ENTPD6: variants seen among roughly 807,000 people sequenced by gnomAD.
The protein encoded by ENTPD6 is ectonucleoside triphosphate diphosphohydrolase 6.
In ENTPD6, 46 loss-of-function variants were observed where a neutral mutation model predicts 61.5. That is an observed-to-expected ratio of 0.75 (90% confidence interval 0.59 to 0.96). The LOEUF (loss-of-function observed/expected upper bound fraction) is 0.96. Ranked by LOEUF, ENTPD6 falls within the 40% of genes least tolerant of loss-of-function variation. ENTPD6 has a pLI of 0.00. For missense variants in ENTPD6, 612 were observed against 629.0 expected (o/e 0.97, Z 0.29); for synonymous variants, 252 against 255.5 (o/e 0.99, Z 0.13).
intron 8 of ENTPD6, among the ~76,000 whole-genome samples, chr20:25,217,008 T>G (rs1426465454): frequency 6.6e-6 from 1 of 152,184 alleles, no homozygotes; most frequent in East Asian, 1.9e-4. Flanking sequence ...TGGAAACGTT[T>G]GGGCCAGAGG....
chr20:25,198,888 G>A (rs562121917), intron 1 of ENTPD6, among the ~76,000 whole-genome samples: 1 of 152,284 alleles, frequency 6.6e-6, no homozygotes, highest in Non-Finnish European at 1.5e-5. Context: ...ATGTCCCGCT[G>A]GCATATCAAA....
In ENTPD6 at chr20:25,215,762, GGGCTCGACTGGGCCT is replaced by G. The variant is rs537039194; in HGVS notation, c.709+52_709+66del. 292 of 1,562,266 alleles carry G rather than the reference GGGCTCGACTGGGCCT, an allele frequency of 1.9e-4. 2 individuals carry two copies. In the African/African-American group the frequency reaches 3.2e-3, roughly 17 times the overall value. The stretch of plus-strand genomic sequence containing the variant: ...CTAGCCGATCACAGACACCTGCGGA[GGGCTCGACTGGGCCT>G]TTCGAGAGCAGGAGCCTCATTTCTG... On this transcript the variant is annotated intron_variant, in intron 7 of 14. Transcript: ENST00000376652.
Position 25,215,673 on chromosome 20 carries a change from C to T in ENTPD6, c.674-3C>T. The T allele has an allele frequency of 6.2e-7, 1 of 1,614,142 alleles. No homozygotes were observed. Among genetic ancestry groups the T allele is most frequent in the East Asian group, 2.2e-5 (1 of 44,884 alleles). On this transcript the variant is annotated splice_polypyrimidine_tract_variant and splice_region_variant and intron_variant, in intron 6 of 14. Coordinates refer to ENST00000376652, the MANE Select transcript of ENTPD6 (RefSeq NM_001247.5). ...AAATAATGCCTGTGACACTCTCTTG[C>T]AGGCGTTTCGGCGTGGATCACCATC...
intron 4 of ENTPD6, among the ~76,000 whole-genome samples, chr20:25,211,191 T>G (rs1342154740): frequency 6.6e-6 from 1 of 152,246 alleles, no homozygotes; most frequent in Admixed American, 6.5e-5. Flanking sequence ...ACATTGCTCT[T>G]GTCCACAAAC....
chr20:25,206,260 C>T (rs1285952192), intron 1 of ENTPD6, among the ~76,000 whole-genome samples: 4 of 152,200 alleles, frequency 2.6e-5, no homozygotes, highest in African/African-American at 9.7e-5. Context: ...TCACCAGGAC[C>T]GACTGAGAGA....
At position 25,224,156 on chromosome 20, in the gene ENTPD6, C is replaced by T. The variant is rs777107194; in HGVS notation, c.1242C>T (p.Tyr414=). The T allele has an allele frequency of 6.5e-5, 104 of 1,611,448 alleles. No homozygotes were observed. The highest frequency in any genetic ancestry group is 2.2e-4 in the Admixed American group (13 of 59,772). The change falls in exon 13 of 15, where the codon TAC becomes TAT. Residue 414 remains tyrosine (Y), a splice_region_variant and synonymous_variant. Coordinates refer to ENST00000376652, the MANE Select transcript of ENTPD6 (RefSeq NM_001247.5). ...VVGDFEIAAK[Y]VCRTLETQPQ... ...GGGACTTCGAGATCGCAGCCAAGTA[C>T]GGTGAGTGATGCTGCAGGGGCCATC...
At chr20:25,221,488 C>G (rs773483252) in intron 11 of ENTPD6, 155 bp downstream of exon 11, 1 of 707,356 alleles carries the variant, frequency 1.4e-6, no homozygotes, top group East Asian at 2.7e-5. Flanking sequence ...GGTGGTTTGG[C>G]TGCAGGGGCC....
chr20:25,215,030 C>A (rs533606586), intron 6 of ENTPD6, 88 bp downstream of exon 6: 2 of 857,020 alleles, frequency 2.3e-6, no homozygotes, highest in Non-Finnish European at 2.0e-6. Context: ...TCCGCCACCC[C>A]TCCCCGCCCC....
At chr20:25,219,910 C>G (rs1360118484) in intron 10 of ENTPD6, among the ~76,000 whole-genome samples, 1 of 152,186 alleles carries the variant, frequency 6.6e-6, no homozygotes, top group Non-Finnish European at 1.5e-5. Flanking sequence ...AAACAAAAAC[C>G]ATGTCTATGT....
intron 6 of ENTPD6, 120 bp downstream of exon 6, chr20:25,215,062 T>A (rs1297787096): frequency 1.2e-5 from 8 of 664,582 alleles, no homozygotes; most frequent in Non-Finnish European, 1.9e-5. Flanking sequence ...TCCTCCCCCG[T>A]CCGATGCTCA....
chr20:25,205,178 T>C (rs1323532530), intron 1 of ENTPD6, among the ~76,000 whole-genome samples: 1 of 152,132 alleles, frequency 6.6e-6, no homozygotes, highest in African/African-American at 2.4e-5. Flanking sequence ...TGGGGGCTCA[T>C]GGCCTAGTGG....
intron 6 of ENTPD6, among the ~76,000 whole-genome samples, chr20:25,215,356 G>A (rs1032645641): frequency 6.6e-6 from 1 of 152,202 alleles, no homozygotes; most frequent in Non-Finnish European, 1.5e-5. Flanking sequence ...GAGAGTGAGT[G>A]TGTATGGAGG....
chr20:25,196,040 T>C, intron 1 of ENTPD6, 173 bp downstream of exon 1: 1 of 850,146 alleles, frequency 1.2e-6, no homozygotes, highest in Non-Finnish European at 1.6e-6. Context: ...CCTGGATGTC[T>C]GGGCTCCGCT....
chr20:25,225,360 G>T, intron 14 of ENTPD6, 43 bp downstream of exon 14: 2 of 1,607,118 alleles, frequency 1.2e-6, no homozygotes, highest in Non-Finnish European at 1.7e-6. Flanking sequence ...TTTATGGAGT[G>T]AGGGGCCTAG....
intron 5 of ENTPD6, among the ~76,000 whole-genome samples, chr20:25,214,248 A>G (rs908043450): frequency 6.6e-6 from 1 of 152,202 alleles, no homozygotes; most frequent in Non-Finnish European, 1.5e-5. Flanking sequence ...CACGCCTGTC[A>G]GGGTCCCTCA....
intron 4 of ENTPD6, among the ~76,000 whole-genome samples, chr20:25,212,808 C>CCATTCT (rs2092063574): frequency 6.6e-6 from 1 of 152,160 alleles, no homozygotes; most frequent in Non-Finnish European, 1.5e-5. Flanking sequence ...TGGGTTCATG[C>CCATTCT]CATTCTCCTG....
Position 25,221,427 on chromosome 20 carries a change from G to A in ENTPD6, c.1045+94G>A, listed in dbSNP as rs748219891. 1.2e-5 allele frequency: 11 copies of A among 941,608 alleles called. 1 individual carries two copies. The East Asian group carries it at 1.5e-4, about 13-fold the overall frequency. The allele number at this position is 941,608 out of a possible 1,614,324, so 58.3% of individuals were successfully genotyped here. ...TCCCACATCCCATGGGACGTTCCAC[G>A]GGAGGCTCCTGACCTCTCTTTGAAG... is the stretch of plus-strand genomic sequence containing the variant. On this transcript the variant is annotated intron_variant, in intron 11 of 14. Transcript: ENST00000376652.
At chr20:25,204,572 G>C (rs148483195) in intron 1 of ENTPD6, among the ~76,000 whole-genome samples, 4 of 152,188 alleles carry the variant, frequency 2.6e-5, no homozygotes, top group Non-Finnish European at 5.9e-5. Flanking sequence ...CTTGCCCCAG[G>C]TATGCGTGGG....
At chr20:25,196,881 C>T (rs1302198466) in intron 1 of ENTPD6, among the ~76,000 whole-genome samples, 1 of 152,078 alleles carries the variant, frequency 6.6e-6, no homozygotes, top group African/African-American at 2.4e-5. Flanking sequence ...GTGTGTGTGT[C>T]GTCTGCCTCC....
Sources: allele counts gnomAD v4.1 joint callset (sites outside exome capture counted in the v4.1 genomes callset), GRCh38; gene constraint gnomAD v4.1.1; transcripts MANE v1.5; gene names NCBI Gene and HGNC (gene_info 2026-07-23, HGNC 2026-07-21).